Variants in SPOCK1 observed in about 807,000 individuals in gnomAD.
SPOCK1 encodes SPARC (osteonectin), cwcv and kazal like domains proteoglycan 1.
Under a neutral mutation model 55.3 loss-of-function variants are expected in SPOCK1, and 23 were observed. The ratio of observed to expected loss-of-function variants is 0.42; its 90% CI spans 0.30 to 0.59. The LOEUF (loss-of-function observed/expected upper bound fraction) is 0.59. SPOCK1 is among the 20% of genes least tolerant of loss of function. The probability of loss-of-function intolerance (pLI) is 0.22; values close to 1 mark genes in which losing one functional copy is unlikely to be tolerated. For synonymous variants in SPOCK1, 226 were observed against 221.0 expected (o/e 1.02, Z -0.20); for missense variants, 499 against 552.5 (o/e 0.90, Z 0.97).
intron 6 of SPOCK1, among the ~76,000 whole-genome samples, chr5:137,063,158 G>A (rs1238161090): frequency 2.0e-5 from 3 of 148,874 alleles, no homozygotes; most frequent in African/African-American, 5.0e-5. Context: ...GCGTGAACCC[G>A]GGAAGCGGAG....
intron 2 of SPOCK1, among the ~76,000 whole-genome samples, chr5:137,321,365 G>T (rs1757979605): frequency 6.6e-6 from 1 of 151,938 alleles, no homozygotes. Context: ...CCAAATCCAA[G>T]AAGCCAAATA....
chr5:137,067,388 A>C (rs1229534298), intron 6 of SPOCK1, among the ~76,000 whole-genome samples: 1 of 152,164 alleles, frequency 6.6e-6, no homozygotes, highest in East Asian at 1.9e-4. Context: ...AAAAGATTAG[A>C]GTTCAAGAAA....
chr5:137,356,838 T>TATATATATATGGAGAGAGAG (rs1554077335), intron 2 of SPOCK1, among the ~76,000 whole-genome samples: 2 of 5,454 alleles, frequency 3.7e-4, no homozygotes, highest in Non-Finnish European at 6.2e-4. Context: ...TATATATATA[T>TATATATATATGGAGAGAGAG]AGAGAGAGAG....
intron 3 of SPOCK1, among the ~76,000 whole-genome samples, chr5:137,146,854 G>C (rs1197556624): frequency 6.6e-6 from 1 of 152,184 alleles, no homozygotes; most frequent in Non-Finnish European, 1.5e-5. Flanking sequence ...CATGTGCCTG[G>C]ATAGGGCAGA....
chr5:137,462,709 T>C (rs922141503), intron 2 of SPOCK1, among the ~76,000 whole-genome samples: 2 of 152,236 alleles, frequency 1.3e-5, no homozygotes, highest in African/African-American at 2.4e-5. Flanking sequence ...ATGTAAGCTA[T>C]TGTCACTAAT....
chr5:137,485,299 C>T (rs530937059), intron 2 of SPOCK1, among the ~76,000 whole-genome samples: 2 of 152,258 alleles, frequency 1.3e-5, no homozygotes, highest in South Asian at 4.1e-4. Flanking sequence ...TGCTTTTCTC[C>T]TTCAACTGGA....
chr5:137,325,472 T>C (rs1020993301), intron 2 of SPOCK1, among the ~76,000 whole-genome samples: 9 of 152,300 alleles, frequency 5.9e-5, no homozygotes, highest in African/African-American at 1.9e-4. Context: ...CACTGATGCC[T>C]TTGCTAAGAA....
intron 6 of SPOCK1, among the ~76,000 whole-genome samples, chr5:137,048,985 T>C (rs1440505920): frequency 7.3e-6 from 1 of 137,686 alleles, no homozygotes; most frequent in African/African-American, 2.7e-5. Flanking sequence ...CTCTTCTGGC[T>C]TGTAGGGTTT....
intron 2 of SPOCK1, among the ~76,000 whole-genome samples, chr5:137,354,666 G>C (rs573409220): frequency 3.9e-5 from 6 of 152,106 alleles, no homozygotes; most frequent in African/African-American, 1.2e-4. Context: ...GCAAGGGCCC[G>C]GCCATCAACT....
intron 6 of SPOCK1, among the ~76,000 whole-genome samples, chr5:137,022,983 T>C (rs978260989): frequency 6.6e-6 from 1 of 152,184 alleles, no homozygotes; most frequent in African/African-American, 2.4e-5. Context: ...TTGGTTCTGA[T>C]TCCCAGGCAG....
At chr5:137,490,050 G>C (rs992745773) in intron 2 of SPOCK1, among the ~76,000 whole-genome samples, 2 of 152,196 alleles carry the variant, frequency 1.3e-5, no homozygotes, top group African/African-American at 4.8e-5. Context: ...TAAATGCCAG[G>C]AAGGTACAAA....
chr5:137,394,634 C>G (rs1314896689), intron 2 of SPOCK1, among the ~76,000 whole-genome samples: 1 of 152,212 alleles, frequency 6.6e-6, no homozygotes, highest in African/African-American at 2.4e-5. Flanking sequence ...ACTCTCCCAT[C>G]TGAACCAGAG....
At chr5:137,395,929 A>G (rs528641646) in intron 2 of SPOCK1, among the ~76,000 whole-genome samples, 4 of 152,336 alleles carry the variant, frequency 2.6e-5, no homozygotes, top group East Asian at 1.9e-4. Context: ...ATCCCCCCCA[A>G]TACAAATAGA....
rs1752476285 is a variant in SPOCK1, at chr5:137,420,817, G to GTTAT, written c.186+77552_186+77555dup. On this transcript the variant is annotated intron_variant, in intron 2 of 10. Coordinates refer to ENST00000394945, the MANE Select transcript of SPOCK1 (RefSeq NM_004598.4). ...CTCCTTCAGTTCTGCTCTGATCTTA[G>GTTAT]TTATTTCTTGCCTTCTGCTAGCTTT... Among the ~76,000 whole-genome samples, 3 of 152,252 alleles carry GTTAT rather than the reference G, an allele frequency of 2.0e-5. No individual in the cohort carries two copies. In the South Asian group the frequency reaches 6.2e-4, roughly 32 times the overall value.
chr5:137,379,372 G>C (rs530523711), intron 2 of SPOCK1, among the ~76,000 whole-genome samples: 1 of 152,106 alleles, frequency 6.6e-6, no homozygotes, highest in Admixed American at 6.6e-5. Flanking sequence ...TCAAACACGA[G>C]AGATCAAACA....
chr5:137,232,135 C>T (rs968951446), intron 3 of SPOCK1, among the ~76,000 whole-genome samples: 1 of 152,116 alleles, frequency 6.6e-6, no homozygotes, highest in Non-Finnish European at 1.5e-5. Context: ...AAATATTTTC[C>T]AGTCTAGTTT....
intron 2 of SPOCK1, among the ~76,000 whole-genome samples, chr5:137,403,673 A>G (rs192036981): frequency 5.6e-3 from 190 of 33,700 alleles, no homozygotes; most frequent in Non-Finnish European, 8.6e-3. Context: ...GGCCAAGCAG[A>G]TATCTAGAGG....
intron 2 of SPOCK1, among the ~76,000 whole-genome samples, chr5:137,468,205 T>A (rs1240180571): frequency 6.6e-6 from 1 of 152,220 alleles, no homozygotes; most frequent in Non-Finnish European, 1.5e-5. Context: ...ACATGAGTAA[T>A]GCTACTTAGT....
Position 137,419,072 on chromosome 5 carries a change from G to T in SPOCK1, c.186+79301C>A, listed in dbSNP as rs573406828. Among the ~76,000 whole-genome samples, 600 of 152,288 alleles carry T rather than the reference G, an allele frequency of 3.9e-3. 1 individual carries two copies. The highest frequency in any genetic ancestry group is 7.4e-3 in the Admixed American group (113 of 15,300). ...TTAAATAGGGAATCCTTTCCCCATT[G>T]CTTGTTTTTGTCAAGTTTGTCAAAG... On this transcript the variant is annotated intron_variant, in intron 2 of 10. Coordinates refer to ENST00000394945, the MANE Select transcript of SPOCK1 (RefSeq NM_004598.4).
Sources: allele counts gnomAD v4.1 joint callset (sites outside exome capture counted in the v4.1 genomes callset), GRCh38; gene constraint gnomAD v4.1.1; transcripts MANE v1.5; gene names NCBI Gene and HGNC (gene_info 2026-07-23, HGNC 2026-07-21).